AUTS2: variants seen among roughly 807,000 people sequenced by gnomAD.
The protein encoded by AUTS2 is activator of transcription and developmental regulator AUTS2, also known as autism susceptibility gene 2 protein.
Under a neutral mutation model 112.4 loss-of-function variants are expected in AUTS2, and 17 were observed. The observed-to-expected ratio is 0.15, with a 90% CI of 0.10 to 0.23. AUTS2 has a LOEUF of 0.23. Ranked by LOEUF, AUTS2 falls within the 10% of genes least tolerant of loss-of-function variation. AUTS2 has a pLI of 1.00. For synonymous variants in AUTS2, 751 were observed against 702.7 expected, an observed-to-expected ratio of 1.07 and a Z score of -1.09; for missense variants, 1,510 against 1,701.6, an observed-to-expected ratio of 0.89 and a Z score of 1.98.
At chr7:69,833,424 T>C (rs1791585842) in intron 1 of AUTS2, among the ~76,000 whole-genome samples, 1 of 152,162 alleles carries the variant, frequency 6.6e-6, no homozygotes, top group East Asian at 1.9e-4. Flanking sequence ...GTGAAAGCTC[T>C]ATTATATTAT....
chr7:70,182,783 T>TAA (rs904897123), intron 4 of AUTS2, among the ~76,000 whole-genome samples: 12 of 132,764 alleles, frequency 9.0e-5, no homozygotes, highest in South Asian at 2.4e-4. Flanking sequence ...AGATTCTTCA[T>TAA]AAAAAAAAAA....
intron 12 of AUTS2, 101 bp downstream of exon 12, chr7:70,774,200 G>A (rs193006796): frequency 7.4e-5 from 80 of 1,083,282 alleles, no homozygotes; most frequent in Middle Eastern, 2.6e-4. Context: ...TCCTTTGAGC[G>A]AGCTGCTGTT....
intron 5 of AUTS2, among the ~76,000 whole-genome samples, chr7:70,527,136 C>G (rs937770969): frequency 1.2e-4 from 19 of 152,218 alleles, no homozygotes; most frequent in African/African-American, 4.6e-4. Flanking sequence ...CTCCAGAAAT[C>G]TGCTGAGGTG....
At chr7:70,089,128 CTT>C (rs2129567196) in intron 2 of AUTS2, among the ~76,000 whole-genome samples, 1 of 152,148 alleles carries the variant, frequency 6.6e-6, no homozygotes, top group African/African-American at 2.4e-5. Context: ...TTTTTTAAGT[CTT>C]ATATCCTTCT....
intron 6 of AUTS2, among the ~76,000 whole-genome samples, chr7:70,758,881 A>C (rs1789384730): frequency 7.0e-6 from 1 of 142,472 alleles, no homozygotes; most frequent in African/African-American, 2.6e-5. Context: ...GAGGAAATGC[A>C]TTACCGATTA....
At position 70,256,277 on chromosome 7, in the gene AUTS2, A is replaced by G. The variant is rs116424140; in HGVS notation, c.660+121706A>G. ...GTATTTGACTTTTAATTAGATTTGC[A>G]GTGTGTTGGGTTAATAAACTAGGGC... On this transcript the variant is annotated intron_variant, in intron 4 of 18. Coordinates refer to ENST00000342771, the MANE Select transcript of AUTS2 (RefSeq NM_015570.4). Among the ~76,000 whole-genome samples, 1,128 of 152,274 alleles carry G rather than the reference A, an allele frequency of 7.4e-3. 14 individuals carry two copies. The highest frequency in any genetic ancestry group is 0.026 in the African/African-American group (1,075 of 41,536).
intron 1 of AUTS2, among the ~76,000 whole-genome samples, chr7:69,819,969 G>A (rs1407865859): frequency 6.6e-6 from 1 of 152,180 alleles, no homozygotes; most frequent in African/African-American, 2.4e-5. Flanking sequence ...GAGGTGTATA[G>A]GACCTATATT....
chr7:69,694,209 T>C (rs758081774), intron 1 of AUTS2, among the ~76,000 whole-genome samples: 1 of 152,194 alleles, frequency 6.6e-6, no homozygotes, highest in Non-Finnish European at 1.5e-5. Flanking sequence ...AATTTGAGTA[T>C]TCATTAAAAA....
At chr7:69,645,660 G>A (rs1794988748) in intron 1 of AUTS2, among the ~76,000 whole-genome samples, 1 of 152,168 alleles carries the variant, frequency 6.6e-6, no homozygotes, top group African/African-American at 2.4e-5. Flanking sequence ...TGCTTTGGGA[G>A]TCCCAGTGCC....
At chr7:70,528,093 ATTT>A (rs10651355) in intron 5 of AUTS2, among the ~76,000 whole-genome samples, 3 of 97,266 alleles carry the variant, frequency 3.1e-5, no homozygotes, top group African/African-American at 9.0e-5. Context: ...AAATTTAAGG[ATTT>A]TTTTTTTTTT....
chr7:70,619,480 AGAGAG>A (rs1804554179), intron 5 of AUTS2, among the ~76,000 whole-genome samples: 2 of 151,932 alleles, frequency 1.3e-5, no homozygotes, highest in Non-Finnish European at 2.9e-5. Flanking sequence ...GGAGAGGAAG[AGAGAG>A]CTGCGTTCTG....
intron 5 of AUTS2, among the ~76,000 whole-genome samples, chr7:70,475,261 G>T (rs527829411): frequency 6.6e-6 from 1 of 152,322 alleles, no homozygotes; most frequent in South Asian, 2.1e-4. Flanking sequence ...AACTGGTTTA[G>T]TAAAGATCTT....
chr7:70,658,109 G>C (rs1455914968), intron 5 of AUTS2, among the ~76,000 whole-genome samples: 1 of 152,230 alleles, frequency 6.6e-6, no homozygotes, highest in Non-Finnish European at 1.5e-5. Context: ...GGACTATAAT[G>C]AGAGTTTTCC....
intron 2 of AUTS2, among the ~76,000 whole-genome samples, chr7:70,003,279 AT>A: frequency 9.0e-6 from 1 of 111,182 alleles, no homozygotes; most frequent in South Asian, 2.6e-4. Flanking sequence ...ATATATGTGA[AT>A]ATATATATTA....
intron 2 of AUTS2, among the ~76,000 whole-genome samples, chr7:69,935,505 G>A (rs1351455860): frequency 6.6e-6 from 1 of 152,114 alleles, no homozygotes; most frequent in Non-Finnish European, 1.5e-5. Flanking sequence ...CTATTATGTT[G>A]GGAGAAGGAA....
chr7:70,487,230 C>CA (rs1798047430), intron 5 of AUTS2, among the ~76,000 whole-genome samples: 2 of 151,338 alleles, frequency 1.3e-5, no homozygotes, highest in African/African-American at 2.4e-5. Context: ...TCCTCCCCCG[C>CA]GCCCCCCTCC....
chr7:69,945,002 T>A (rs1394726771), intron 2 of AUTS2, among the ~76,000 whole-genome samples: 1 of 152,186 alleles, frequency 6.6e-6, no homozygotes, highest in Non-Finnish European at 1.5e-5. Flanking sequence ...GAACTGCTTT[T>A]TACTGAATCT....
chr7:70,006,886 G>T (rs562770869), intron 2 of AUTS2, among the ~76,000 whole-genome samples: 3 of 152,254 alleles, frequency 2.0e-5, no homozygotes, highest in Non-Finnish European at 2.9e-5. Flanking sequence ...AGGAAGTTGT[G>T]GGGAGTACCT....
intron 1 of AUTS2, among the ~76,000 whole-genome samples, chr7:69,718,481 A>G (rs897323078): frequency 1.3e-5 from 2 of 152,114 alleles, no homozygotes; most frequent in East Asian, 1.9e-4. Context: ...TCTTCCCTTC[A>G]TCTTCAAAGC....
Sources: allele counts gnomAD v4.1 joint callset (sites outside exome capture counted in the v4.1 genomes callset), GRCh38; gene constraint gnomAD v4.1.1; transcripts MANE v1.5; gene names NCBI Gene and HGNC (gene_info 2026-07-23, HGNC 2026-07-21).